Variants in ZFAND3 observed in about 807,000 individuals in gnomAD.
ZFAND3 encodes the protein AN1-type zinc finger protein 3.
In ZFAND3, 10 loss-of-function variants were observed where a neutral mutation model predicts 29.6. That is an observed-to-expected ratio of 0.34 (90% CI 0.21 to 0.57). The LOEUF (loss-of-function observed/expected upper bound fraction) is 0.57. ZFAND3 is among the 20% of genes least tolerant of loss of function. The pLI is 0.86. For synonymous variants in ZFAND3, 128 were observed against 112.6 expected (o/e 1.14, Z -0.87); for missense variants, 230 against 304.5 (o/e 0.76, Z 1.82).
intron 3 of ZFAND3, among the ~76,000 whole-genome samples, chr6:38,065,433 G>T (rs1342649647): frequency 5.9e-5 from 9 of 152,174 alleles, no homozygotes; most frequent in Non-Finnish European, 8.8e-5. Flanking sequence ...GAGAATGATA[G>T]TGGGCAAGGT....
chr6:37,893,981 G>T (rs1320395377), intron 1 of ZFAND3, among the ~76,000 whole-genome samples: 2 of 152,104 alleles, frequency 1.3e-5, no homozygotes, highest in East Asian at 3.9e-4. Context: ...TAGGCTGGGT[G>T]CCGTGGCTGA....
At chr6:37,960,766 A>T (rs769544045) in intron 2 of ZFAND3, among the ~76,000 whole-genome samples, 26 of 150,498 alleles carry the variant, frequency 1.7e-4, no homozygotes, top group Non-Finnish European at 3.3e-4. Flanking sequence ...GTTCTTCCCC[A>T]CTCCTTTCCC....
chr6:37,828,338 T>C (rs1395398126), intron 1 of ZFAND3, among the ~76,000 whole-genome samples: 2 of 152,210 alleles, frequency 1.3e-5, no homozygotes, highest in African/African-American at 4.8e-5. Context: ...GTGGTGGGCT[T>C]TGCTGTCAGT....
At chr6:37,933,695 G>C (rs1761638630) in intron 2 of ZFAND3, among the ~76,000 whole-genome samples, 1 of 152,144 alleles carries the variant, frequency 6.6e-6, no homozygotes. Context: ...ACCTGGCTGG[G>C]CTGGATTTGC....
chr6:38,065,596 A>G lies in ZFAND3; in HGVS notation c.295+3821A>G, dbSNP rs114510593. The stretch of plus-strand genomic sequence containing the variant: ...GCCTATTAGGGTAGGTGCTTTTATT[A>G]TACTTGTTTTTACAGATGAGGACAT... On this transcript the variant is annotated intron_variant, in intron 3 of 5. Transcript: ENST00000287218. 3.1e-3 allele frequency among the ~76,000 whole-genome samples: 469 copies of G among 152,318 alleles called. 3 individuals carry two copies. Among genetic ancestry groups the G allele is most frequent in the African/African-American group, 0.011 (446 of 41,578 alleles).
At chr6:37,936,737 G>A (rs1161713297) in intron 2 of ZFAND3, among the ~76,000 whole-genome samples, 5 of 152,170 alleles carry the variant, frequency 3.3e-5, no homozygotes, top group Admixed American at 2.6e-4. Context: ...TCAGATTTAA[G>A]TATTAATGTA....
chr6:38,123,395 C>T (rs1002466792), intron 5 of ZFAND3, among the ~76,000 whole-genome samples: 10 of 152,166 alleles, frequency 6.6e-5, no homozygotes, highest in African/African-American at 2.4e-5. Flanking sequence ...CAAGTGTAAA[C>T]CTGTCAGGAA....
At chr6:38,142,473 G>A in intron 5 of ZFAND3, 1 of 398,990 alleles carries the variant, frequency 2.5e-6, no homozygotes, top group East Asian at 7.2e-5. Context: ...AGCAGCTCCT[G>A]GATGGAATGC....
At chr6:38,004,004 TAATGTTGTTATCTTTTATATGAA>T (rs1762998216) in intron 2 of ZFAND3, among the ~76,000 whole-genome samples, 1 of 152,172 alleles carries the variant, frequency 6.6e-6, no homozygotes, top group South Asian at 2.1e-4. Flanking sequence ...CTTTTCTCAT[TAATGTTGTTATCTTTTATATGAA>T]ACTGAAGGAT....
intron 5 of ZFAND3, among the ~76,000 whole-genome samples, chr6:38,130,463 TTTA>T (rs1375020889): frequency 6.6e-6 from 1 of 152,224 alleles, no homozygotes; most frequent in African/African-American, 2.4e-5. Context: ...ATAGATGGCT[TTTA>T]TTATATTGAG....
At chr6:38,056,109 T>C (rs1249428314) in intron 2 of ZFAND3, among the ~76,000 whole-genome samples, 2 of 152,250 alleles carry the variant, frequency 1.3e-5, no homozygotes, top group African/African-American at 4.8e-5. Context: ...CCAGTTGATA[T>C]ACTTCTATGA....
At chr6:38,019,420 A>G (rs1002937822) in intron 2 of ZFAND3, among the ~76,000 whole-genome samples, 2 of 151,760 alleles carry the variant, frequency 1.3e-5, no homozygotes, top group Non-Finnish European at 2.9e-5. Context: ...TATTTGTGGG[A>G]GCCCTTTTCA....
rs56738009 is a variant in ZFAND3, at chr6:37,853,412, G to GAAAAAAAA, written c.71+33411_71+33418dup. Reference sequence around the variant, plus strand: ...TGCCAACAGCCCTTCTGAGCCTCAAGAAAAAAAAAAAAAAAAAAAAAAGAA... The same window carrying GAAAAAAAA: ...TGCCAACAGCCCTTCTGAGCCTCAAGAAAAAAAAAAAAAAAAAAAAAAAAAAAAAAGAA... On this transcript the variant is annotated intron_variant, in intron 1 of 5. Coordinates refer to ENST00000287218, the MANE Select transcript of ZFAND3 (RefSeq NM_021943.3). Among the ~76,000 whole-genome samples, 2 of 65,880 alleles carry GAAAAAAAA rather than the reference G, an allele frequency of 3.0e-5. 1 individual carries two copies. Among genetic ancestry groups the GAAAAAAAA allele is most frequent in the Admixed American group, 3.7e-4 (2 of 5,396 alleles). The allele number at this position is 65,880 out of a possible 152,430, so 43.2% of individuals were successfully genotyped here. A position where few individuals can be genotyped will look rare whatever the true frequency, so the allele number is the denominator to read the frequency against.
At chr6:38,034,293 AAATGCAAGAAAAT>A (rs1315031403) in intron 2 of ZFAND3, among the ~76,000 whole-genome samples, 34 of 152,322 alleles carry the variant, frequency 2.2e-4, no homozygotes, top group Admixed American at 7.2e-4. Flanking sequence ...GGAGATGTTA[AAATGCAAGAAAAT>A]AATGCAGAAT....
At chr6:38,035,099 C>T (rs1170221415) in intron 2 of ZFAND3, among the ~76,000 whole-genome samples, 3 of 151,786 alleles carry the variant, frequency 2.0e-5, no homozygotes, top group African/African-American at 7.2e-5. Flanking sequence ...GCTTTTCTTT[C>T]TTGGTGGCTT....
intron 1 of ZFAND3, among the ~76,000 whole-genome samples, chr6:37,906,494 A>C (rs1329158801): frequency 6.6e-6 from 1 of 152,178 alleles, no homozygotes; most frequent in Non-Finnish European, 1.5e-5. Flanking sequence ...TGCCACGAAC[A>C]TGCATGTATA....
chr6:38,099,403 G>A (rs972638614), intron 4 of ZFAND3, among the ~76,000 whole-genome samples: 1 of 152,092 alleles, frequency 6.6e-6, no homozygotes, highest in Non-Finnish European at 1.5e-5. Flanking sequence ...CACATACTCT[G>A]CCATAAAAGC....
chr6:37,941,390 T>C (rs966678052), intron 2 of ZFAND3, among the ~76,000 whole-genome samples: 3 of 152,230 alleles, frequency 2.0e-5, no homozygotes, highest in East Asian at 3.8e-4. Flanking sequence ...CAGTTGTAGT[T>C]TGCCTCTAGA....
intron 2 of ZFAND3, among the ~76,000 whole-genome samples, chr6:38,011,857 T>C (rs1405226650): frequency 6.6e-6 from 1 of 152,230 alleles, no homozygotes; most frequent in African/African-American, 2.4e-5. Flanking sequence ...AAACTTCATG[T>C]AAATCTTTGG....
Sources: gnomAD v4.1 joint callset for allele counts (sites outside exome capture counted in the v4.1 genomes callset) on GRCh38, gnomAD v4.1.1 for gene constraint, MANE v1.5 for transcripts, NCBI Gene and HGNC (gene_info 2026-07-23, HGNC 2026-07-21) for gene names.